ERCC6L2: variants seen among roughly 807,000 people sequenced by gnomAD.
ERCC6L2 encodes the protein DNA excision repair protein ERCC-6-like 2.
Under a neutral mutation model 132.0 loss-of-function variants are expected in ERCC6L2, and 77 were observed. The observed-to-expected ratio is 0.58, with a 90% CI of 0.49 to 0.71. ERCC6L2 has a LOEUF of 0.71. Ranked by LOEUF, ERCC6L2 falls within the 30% of genes least tolerant of loss-of-function variation. The probability of loss-of-function intolerance (pLI) is 0.00; values close to 1 mark genes in which losing one functional copy is unlikely to be tolerated. For synonymous variants in ERCC6L2, 583 were observed against 632.4 expected (o/e 0.92, Z 1.17); for missense variants, 1,542 against 1,837.6 (o/e 0.84, Z 2.94).
At chr9:95,880,556 C>A (rs1827534725) in intron 1 of ERCC6L2, among the ~76,000 whole-genome samples, 2 of 152,110 alleles carry the variant, frequency 1.3e-5, no homozygotes, top group Non-Finnish European at 2.9e-5. Context: ...ATGCCCGTGA[C>A]CCCTATCCAC....
At chr9:95,928,666 G>A (rs1830203463) in intron 10 of ERCC6L2, 53 bp from the exon 11 acceptor site, 2 of 1,515,462 alleles carry the variant, frequency 1.3e-6, no homozygotes, top group African/African-American at 2.8e-5. Context: ...GTAATGGTCT[G>A]AAACTTACTT....
intron 3 of ERCC6L2, among the ~76,000 whole-genome samples, chr9:95,901,500 G>A (rs1447783485): frequency 6.6e-6 from 1 of 152,018 alleles, no homozygotes; most frequent in Non-Finnish European, 1.5e-5. Flanking sequence ...TCTTGACTTA[G>A]TCTTTCCAAC....
In ERCC6L2 at chr9:95,899,111, A is replaced by G. The variant is rs564963952; in HGVS notation, c.594+1140A>G. 2.9e-4 allele frequency among the ~76,000 whole-genome samples: 44 copies of G among 152,186 alleles called. 1 individual carries two copies. The South Asian group carries it at 9.1e-3, about 32-fold the overall frequency. ...AAGAGAGAACAAAGAAGGAAAAGTAATATTTTAAATATATTAAAATACTTA... is the reference window on the plus strand; with the variant it reads ...AAGAGAGAACAAAGAAGGAAAAGTAGTATTTTAAATATATTAAAATACTTA... On this transcript the variant is annotated intron_variant, in intron 3 of 18. Transcript: ENST00000653738.
At position 95,966,696 on chromosome 9, in the gene ERCC6L2, T is replaced by C; in HGVS notation, c.2082T>C (p.Leu694=). Reference sequence around the variant, plus strand: ...AATTTAGGTCCCAAGGGTCTTGTCTTACGAAGGACATCCTGGAGGTGTGAA... The same window carrying C: ...AATTTAGGTCCCAAGGGTCTTGTCTCACGAAGGACATCCTGGAGGTGTGAA... ...LFKFRSQGSC[L]TKDILEREGQ... The change falls in exon 14 of 19, where the codon CTT becomes CTC. Residue 694 remains leucine (L), a synonymous_variant. Coordinates refer to ENST00000653738, the MANE Select transcript of ERCC6L2 (RefSeq NM_020207.7). The C allele has an allele frequency of 6.8e-7, 1 of 1,477,956 alleles. No individual in the cohort carries two copies. The highest frequency in any genetic ancestry group is 9.2e-7 in the Non-Finnish European group (1 of 1,092,884). 91.6% of individuals were successfully genotyped at this position (1,477,956 alleles called of 1,614,324 possible).
rs1834063247 is a variant in ERCC6L2 at position 96,012,490 on chromosome 9, T to G, written c.3940T>G (p.Leu1314Val). 4 of 1,367,448 alleles carry G rather than the reference T, an allele frequency of 2.9e-6. No individual in the cohort carries two copies. In the African/African-American group the frequency reaches 5.9e-5, roughly 20 times the overall value. 84.7% of individuals were successfully genotyped at this position (1,367,448 alleles called of 1,614,324 possible). A position where few individuals can be genotyped will look rare whatever the true frequency, so the allele number is the denominator to read the frequency against. The change falls in exon 19 of 19, where the codon TTG becomes GTG. Residue 1314 changes from leucine to valine, a missense_variant. Coordinates refer to ENST00000653738, the MANE Select transcript of ERCC6L2 (RefSeq NM_020207.7). ...ACCAAGGCTGTCAGATTCTGAAACCTTGTCATTTAAAGATTCTACCAACAA... is the reference window on the plus strand; with the variant it reads ...ACCAAGGCTGTCAGATTCTGAAACCGTGTCATTTAAAGATTCTACCAACAA... ...IKPRLSDSET[L>V]SFKDSTNKIS...
Position 95,941,456 on chromosome 9 carries a change from C to T in ERCC6L2, c.1754C>T (p.Ala585Val), listed in dbSNP as rs1830794909. 1 of 1,607,974 alleles carries T rather than the reference C, an allele frequency of 6.2e-7. No individual in the cohort carries two copies. The highest frequency in any genetic ancestry group is 1.1e-5 in the South Asian group (1 of 90,538). The change falls in exon 12 of 19, where the codon GCT (alanine) becomes GTT (valine). Residue 585 changes from alanine to valine, a missense_variant and splice_region_variant. Around this residue, in one of 4 missense-constraint regions of ERCC6L2, gnomAD observed 945 missense variants for 1,105.2 expected, o/e 0.86. Coordinates refer to ENST00000653738, the MANE Select transcript of ERCC6L2 (RefSeq NM_020207.7). ...DVNICLVSTMAGGLGLNFVGA... is the reference protein window; with the variant it reads ...DVNICLVSTMVGGLGLNFVGA... The stretch of plus-strand genomic sequence containing the variant: ...TTTTTTTTTTCTCTTTCCTCCAGGG[C>T]TGGTGGACTAGGCCTCAATTTTGTC...
Position 95,921,328 on chromosome 9 carries a change from A to G in ERCC6L2, c.1299+13A>G, listed in dbSNP as rs751422186. ...TTGTTGTTATAAGGCAAGCATTTCAATATATCTTTATAATCATGCTTTTGA... is the reference window on the plus strand; with the variant it reads ...TTGTTGTTATAAGGCAAGCATTTCAGTATATCTTTATAATCATGCTTTTGA... On this transcript the variant is annotated intron_variant, in intron 7 of 18. Coordinates refer to ENST00000653738, the MANE Select transcript of ERCC6L2 (RefSeq NM_020207.7). The G allele has an allele frequency of 9.4e-6, 15 of 1,602,342 alleles. No homozygotes were observed. The highest frequency in any genetic ancestry group is 1.3e-5 in the Non-Finnish European group (15 of 1,173,812).
intron 20 of ERCC6L2, among the ~76,000 whole-genome samples, chr9:96,040,398 C>T (rs1370365366): frequency 1.3e-5 from 2 of 152,212 alleles, no homozygotes; most frequent in African/African-American, 4.8e-5. Context: ...GGTGAGTCTT[C>T]TCAGGAGGCC....
intron 12 of ERCC6L2, among the ~76,000 whole-genome samples, chr9:95,945,235 A>G (rs1401467777): frequency 6.6e-6 from 1 of 152,208 alleles, no homozygotes; most frequent in Non-Finnish European, 1.5e-5. Flanking sequence ...GAGAAAAAGA[A>G]TTCAGCGATA....
intron 13 of ERCC6L2, among the ~76,000 whole-genome samples, chr9:95,958,242 A>G (rs1831715622): frequency 6.6e-6 from 1 of 151,888 alleles, no homozygotes; most frequent in African/African-American, 2.4e-5. Context: ...CATGGTGTAT[A>G]TGTGCCACAT....
chr9:95,902,135 T>G (rs1485965410), intron 3 of ERCC6L2, among the ~76,000 whole-genome samples: 1 of 133,842 alleles, frequency 7.5e-6, no homozygotes, highest in African/African-American at 2.8e-5. Context: ...TAAAAACTTT[T>G]CAAGTGTGAA....
intron 14 of ERCC6L2, 29 bp from the exon 15 acceptor site, chr9:95,970,547 A>G (rs1021067843): frequency 7.8e-7 from 1 of 1,276,000 alleles, no homozygotes; most frequent in African/African-American, 1.5e-5. Flanking sequence ...TTGCATAGCT[A>G]TTTGCATTCT....
chr9:95,913,290 T>C (rs1232680489), intron 4 of ERCC6L2, among the ~76,000 whole-genome samples: 1 of 152,226 alleles, frequency 6.6e-6, no homozygotes. Flanking sequence ...AAAGGAAAGC[T>C]TTCTCCATTA....
At chr9:95,903,103 TTA>T (rs2132636683) in intron 3 of ERCC6L2, among the ~76,000 whole-genome samples, 1 of 152,190 alleles carries the variant, frequency 6.6e-6, no homozygotes, top group Admixed American at 6.5e-5. Flanking sequence ...TGATTTTATT[TTA>T]TACCTTTATA....
rs1340743817 is a variant in ERCC6L2, at chr9:95,881,048, A to C, written c.226A>C (p.Lys76Gln). Residue 76 changes from lysine to glutamine, a missense_variant, in exon 2 of 19, where the codon AAA (lysine) becomes CAA (glutamine). Coordinates refer to ENST00000653738, the MANE Select transcript of ERCC6L2 (RefSeq NM_020207.7). ...LKQLQEVKFV[K>Q]DCPRNLIFDD... is the part of the protein sequence containing the mutation. ...ACAGCTTCAAGAAGTGAAATTTGTT[A>C]AAGATTGCCCTAGGAATCTTATATT... The C allele has an allele frequency of 1.2e-6, 2 of 1,613,848 alleles. No homozygotes were observed. Among genetic ancestry groups the C allele is most frequent in the Non-Finnish European group, 1.7e-6 (2 of 1,179,850 alleles).
Position 96,015,496 on chromosome 9 carries a change from C to G in ERCC6L2, c.*2293C>G, listed in dbSNP as rs887452131. Among the ~76,000 whole-genome samples, 6 of 150,272 alleles carry G rather than the reference C, an allele frequency of 4.0e-5. No individual in the cohort carries two copies. The highest frequency in any genetic ancestry group is 1.5e-5 in the Non-Finnish European group (1 of 67,654). ...AGCCACCATGCCCAGCCAATAAATGCTATTAAAGAAACTTTTAGGCCGGGC... is the reference window on the plus strand; with the variant it reads ...AGCCACCATGCCCAGCCAATAAATGGTATTAAAGAAACTTTTAGGCCGGGC... On this transcript the variant is annotated 3_prime_UTR_variant, in exon 19 of 19. Transcript: ENST00000653738.
Position 95,928,713 on chromosome 9 carries a change from G to A in ERCC6L2, c.1606-6G>A, listed in dbSNP as rs182931476. 20 of 1,594,208 alleles carry A rather than the reference G, an allele frequency of 1.3e-5. No individual in the cohort carries two copies. Among genetic ancestry groups the A allele is most frequent in the African/African-American group, 2.7e-5 (2 of 73,744 alleles). On this transcript the variant is annotated splice_polypyrimidine_tract_variant and splice_region_variant and intron_variant, in intron 10 of 18. Transcript: ENST00000653738. ...ATGTTTGCCCATCTTCATACCTCTC[G>A]TCTAGTTGCTTGACGTGCTACAGCA...
chr9:95,954,462 G>A (rs73536512), intron 12 of ERCC6L2, among the ~76,000 whole-genome samples: 2,563 of 152,240 alleles, frequency 0.017, 78 homozygotes, highest in African/African-American at 0.059. Context: ...CCGGAACTGA[G>A]AACAGAAATA....
chr9:96,011,433 C>A (rs1834022996), intron 18 of ERCC6L2, among the ~76,000 whole-genome samples: 1 of 152,052 alleles, frequency 6.6e-6, no homozygotes, highest in African/African-American at 2.4e-5. Context: ...TAGGGGGCTT[C>A]TGCATGATTT....
Sources: allele counts gnomAD v4.1 joint callset (sites outside exome capture counted in the v4.1 genomes callset), GRCh38; gene constraint gnomAD v4.1.1; regional missense constraint gnomAD v4.1.1; transcripts MANE v1.5; gene names NCBI Gene and HGNC (gene_info 2026-07-23, HGNC 2026-07-21).